Variants in KHDRBS2 observed in about 807,000 individuals in gnomAD.
KHDRBS2 encodes the protein KH RNA binding domain containing, signal transduction associated 2.
In KHDRBS2, 26 loss-of-function variants were observed where a neutral mutation model predicts 44.3. The observed-to-expected ratio is 0.59, with a 90% confidence interval of 0.43 to 0.81. KHDRBS2 has a LOEUF of 0.81. Among genes scored for constraint, KHDRBS2 ranks in the 40% least tolerant of loss-of-function variants. KHDRBS2 has a pLI of 0.00. For missense variants in KHDRBS2, 476 were observed against 433.1 expected (o/e 1.10, Z -0.88); for synonymous variants, 194 against 151.1 (o/e 1.28, Z -2.08).
intron 1 of KHDRBS2, among the ~76,000 whole-genome samples, chr6:62,214,529 C>T (rs1829650861): frequency 6.8e-6 from 1 of 147,698 alleles, no homozygotes; most frequent in African/African-American, 2.4e-5. Context: ...AAAAGTAAGC[C>T]CAAGACATAA....
At chr6:61,773,387 G>A (rs1301227888) in intron 6 of KHDRBS2, among the ~76,000 whole-genome samples, 12 of 151,778 alleles carry the variant, frequency 7.9e-5, no homozygotes, top group Non-Finnish European at 1.8e-4. Flanking sequence ...TTCTCTGATG[G>A]CCAGTGATGA....
At chr6:61,889,561 T>C (rs1801491691) in intron 6 of KHDRBS2, among the ~76,000 whole-genome samples, 1 of 141,518 alleles carries the variant, frequency 7.1e-6, no homozygotes, top group African/African-American at 2.6e-5. Context: ...ACACTTAGAA[T>C]TGAACCTCCT....
intron 1 of KHDRBS2, among the ~76,000 whole-genome samples, chr6:62,197,486 G>C (rs1489919700): frequency 2.0e-5 from 3 of 152,100 alleles, no homozygotes; most frequent in Non-Finnish European, 4.4e-5. Flanking sequence ...AATGGGTCTT[G>C]AAGGAGTTTA....
At chr6:62,007,888 C>A (rs755486312) in intron 3 of KHDRBS2, among the ~76,000 whole-genome samples, 5 of 152,114 alleles carry the variant, frequency 3.3e-5, no homozygotes, top group African/African-American at 9.7e-5. Context: ...TGTTGTGCAT[C>A]TCTACTGTAA....
intron 4 of KHDRBS2, among the ~76,000 whole-genome samples, chr6:61,922,512 G>A (rs73489412): frequency 0.01 from 1,572 of 152,088 alleles, 27 homozygotes; most frequent in African/African-American, 0.036. Context: ...CAACAATTCA[G>A]TGCCTGTGTA....
chr6:62,121,973 C>T (rs543200424), intron 2 of KHDRBS2, among the ~76,000 whole-genome samples: 77 of 152,154 alleles, frequency 5.1e-4, no homozygotes, highest in African/African-American at 1.4e-3. Context: ...AAGAAAGAGG[C>T]ACAACACCTA....
chr6:62,242,266 A>T (rs1834798297), intron 1 of KHDRBS2, among the ~76,000 whole-genome samples: 1 of 152,182 alleles, frequency 6.6e-6, no homozygotes, highest in Admixed American at 6.6e-5. Flanking sequence ...AGCCTAAAGC[A>T]GCCCGGACTA....
intron 6 of KHDRBS2, among the ~76,000 whole-genome samples, chr6:61,812,563 T>C (rs1788286317): frequency 6.6e-6 from 1 of 151,932 alleles, no homozygotes; most frequent in African/African-American, 2.4e-5. Flanking sequence ...TAATGAAAAA[T>C]AAGAGCCATT....
chr6:61,835,498 A>T (rs980824668), intron 6 of KHDRBS2, among the ~76,000 whole-genome samples: 1 of 151,980 alleles, frequency 6.6e-6, no homozygotes, highest in Non-Finnish European at 1.5e-5. Flanking sequence ...CACTGCCAAG[A>T]TCTACTGAGA....
intron 2 of KHDRBS2, among the ~76,000 whole-genome samples, chr6:62,110,191 G>A (rs941789207): frequency 1.1e-4 from 16 of 151,924 alleles, no homozygotes; most frequent in Non-Finnish European, 1.8e-4. Flanking sequence ...TCAAATACTG[G>A]TGCTAATATG....
chr6:62,179,445 C>T (rs1349987577), intron 1 of KHDRBS2, among the ~76,000 whole-genome samples: 9 of 151,680 alleles, frequency 5.9e-5, no homozygotes, highest in Non-Finnish European at 1.3e-4. Flanking sequence ...CTTTCCATCC[C>T]TTATATAATT....
At chr6:61,815,062 T>C (rs1374373856) in intron 6 of KHDRBS2, among the ~76,000 whole-genome samples, 1 of 152,114 alleles carries the variant, frequency 6.6e-6, no homozygotes, top group South Asian at 2.1e-4. Flanking sequence ...ACGACAATAG[T>C]CTGTACATGT....
chr6:61,816,690 G>T (rs1789003781), intron 6 of KHDRBS2: 4 of 422,268 alleles, frequency 9.5e-6, no homozygotes, highest in Non-Finnish European at 1.9e-5. Context: ...GTTTTGCAAA[G>T]ACAGACTCAT....
chr6:61,940,394 G>T (rs1171873133), intron 4 of KHDRBS2, among the ~76,000 whole-genome samples: 1 of 152,094 alleles, frequency 6.6e-6, no homozygotes, highest in Non-Finnish European at 1.5e-5. Flanking sequence ...CCATGGAAGA[G>T]CACTGCAATC....
chr6:61,998,772 T>C (rs1777693879), intron 3 of KHDRBS2, among the ~76,000 whole-genome samples: 1 of 152,054 alleles, frequency 6.6e-6, no homozygotes. Flanking sequence ...TTTGAAGTAA[T>C]CTGCAAAACT....
chr6:61,709,263 T>A (rs1301666530), intron 7 of KHDRBS2, among the ~76,000 whole-genome samples: 1 of 151,632 alleles, frequency 6.6e-6, no homozygotes, highest in Non-Finnish European at 1.5e-5. Context: ...TCTTAAGTTT[T>A]AGTTGATGGT....
chr6:61,836,386 C>G (rs1562272571), intron 6 of KHDRBS2, among the ~76,000 whole-genome samples: 1 of 151,978 alleles, frequency 6.6e-6, no homozygotes, highest in Admixed American at 6.6e-5. Context: ...GTGAAAGATG[C>G]AGGTACTATT....
chr6:61,607,559 TTCTGTACAAC>T, the KHDRBS2 span, among the ~76,000 whole-genome samples: 1 of 111,702 alleles, frequency 9.0e-6, no homozygotes, highest in African/African-American at 3.5e-5. Context: ...GTGTGAGAAA[TTCTGTACAAC>T]TCTTTGCCAA....
At chr6:61,583,723 A>G in the KHDRBS2 span, among the ~76,000 whole-genome samples, 1 of 151,562 alleles carries the variant, frequency 6.6e-6, no homozygotes, top group Non-Finnish European at 1.5e-5. Context: ...TAAATTTTTA[A>G]ATTAGCTTTT....
Sources: allele counts gnomAD v4.1 joint callset (sites outside exome capture counted in the v4.1 genomes callset), GRCh38; gene constraint gnomAD v4.1.1; transcripts MANE v1.5; gene names NCBI Gene and HGNC (gene_info 2026-07-23, HGNC 2026-07-21).